GON4L: variants seen among roughly 807,000 people sequenced by gnomAD.
GON4L encodes GON-4-like protein.
GON4L carries 87 observed loss-of-function variants against 211.8 expected under a neutral mutation model. The observed-to-expected ratio is 0.41, with a 90% CI of 0.35 to 0.49. The LOEUF is 0.49. Ranked by LOEUF, GON4L falls within the 20% of genes least tolerant of loss-of-function variation. The pLI is 0.15. For missense variants in GON4L, 2,155 were observed against 2,659.5 expected (o/e 0.81, Z 4.17); for synonymous variants, 875 against 962.6 (o/e 0.91, Z 1.68).
intron 12 of GON4L, among the ~76,000 whole-genome samples, chr1:155,786,776 A>AT (rs200816309): frequency 1.3e-4 from 19 of 149,090 alleles, no homozygotes; most frequent in South Asian, 1.1e-3. Context: ...ATGTTTAAGA[A>AT]TTTTTTTTTT....
At chr1:155,836,971 G>A (rs1041710146) in intron 2 of GON4L, among the ~76,000 whole-genome samples, 2 of 152,068 alleles carry the variant, frequency 1.3e-5, no homozygotes, top group African/African-American at 4.8e-5. Flanking sequence ...AACTGTGTTA[G>A]GTCTCATGCC....
chr1:155,826,362 C>T (rs1031332918), intron 3 of GON4L, among the ~76,000 whole-genome samples: 1 of 151,852 alleles, frequency 6.6e-6, no homozygotes, highest in African/African-American at 2.4e-5. Flanking sequence ...GTCAGGAGTT[C>T]GAGACCAGCC....
chr1:155,853,597 G>A lies in GON4L; in HGVS notation c.184C>T (p.Gln62Ter). The change falls in exon 2 of 32, where the codon CAG becomes TAG. Residue 62 changes from glutamine to a stop codon, truncating the protein, a stop_gained. Transcript: ENST00000368331. LOFTEE classifies it high-confidence loss of function. ...TGATTTCCTGCATCCTGCAAAGACT[G>A]TACTTCGAAGCCAGCTACTCTGCCA... ...SHGRVAGFEV[Q>*]SLQDAGNQLG... 1 of 1,614,084 alleles carries A rather than the reference G, an allele frequency of 6.2e-7. No homozygotes were observed. The highest frequency in any genetic ancestry group is 8.5e-7 in the Non-Finnish European group (1 of 1,179,946).
intron 2 of GON4L, among the ~76,000 whole-genome samples, chr1:155,839,107 T>C (rs1354707635): frequency 6.6e-6 from 1 of 152,132 alleles, no homozygotes; most frequent in East Asian, 1.9e-4. Flanking sequence ...AATTCAAAAG[T>C]TATCTAAAGG....
chr1:155,775,299 A>G (rs1571699056), intron 16 of GON4L, 126 bp from the exon 17 acceptor site: 3 of 1,236,794 alleles, frequency 2.4e-6, no homozygotes, highest in African/African-American at 3.0e-5. Flanking sequence ...ATCATCATAA[A>G]GTCTTTCACA....
chr1:155,831,371 A>C (rs1045981657), intron 2 of GON4L, among the ~76,000 whole-genome samples: 1 of 152,088 alleles, frequency 6.6e-6, no homozygotes, highest in African/African-American at 2.4e-5. Context: ...GATTACTTGA[A>C]GCCAAGAGTT....
rs1263204665 is a variant in GON4L, at chr1:155,766,451, G to T, written c.3022C>A (p.Pro1008Thr). ...SSVLKPLLIQ[P>T]SPSLQPSFNP... ...AAGCTGGGCTGGAGAGAGGGGCTGG[G>T]TTGGATAAGGAGGGGCTTCAGGACT... The change falls in exon 21 of 32, where the codon CCC becomes ACC. Residue 1008 changes from proline (P) to threonine (T), a missense_variant. This residue lies in a region of GON4L where 615 missense variants were observed against 625.7 expected (regional missense o/e 0.98). Coordinates refer to ENST00000368331, the MANE Select transcript of GON4L (RefSeq NM_001282860.2). 1 of 1,614,006 alleles carries T rather than the reference G, an allele frequency of 6.2e-7. No homozygotes were observed. The highest frequency in any genetic ancestry group is 1.3e-5 in the African/African-American group (1 of 74,900).
At chr1:155,779,441 T>C (rs1171801997) in intron 14 of GON4L, among the ~76,000 whole-genome samples, 5 of 146,724 alleles carry the variant, frequency 3.4e-5, no homozygotes, top group Admixed American at 6.8e-5. Flanking sequence ...CTCAGCCTCC[T>C]GAGTAGCTGG....
At chr1:155,768,654 A>T (rs1235968683) in intron 19 of GON4L, among the ~76,000 whole-genome samples, 1 of 149,726 alleles carries the variant, frequency 6.7e-6, no homozygotes, top group Non-Finnish European at 1.5e-5. Flanking sequence ...TTTTTTGCCC[A>T]GGCTGGTCTT....
intron 12 of GON4L, among the ~76,000 whole-genome samples, chr1:155,786,199 T>C (rs570833198): frequency 7.9e-5 from 12 of 151,262 alleles, no homozygotes; most frequent in Non-Finnish European, 1.3e-4. Context: ...GAAAGAGAGA[T>C]AGAGAGAGAG....
At chr1:155,854,608 T>C (rs1672107204) in intron 1 of GON4L, among the ~76,000 whole-genome samples, 1 of 152,228 alleles carries the variant, frequency 6.6e-6, no homozygotes, top group African/African-American at 2.4e-5. Context: ...TCTTCAGCTA[T>C]AAAATGGAAT....
intron 3 of GON4L, among the ~76,000 whole-genome samples, chr1:155,823,230 A>T (rs1668890567): frequency 6.6e-6 from 1 of 152,184 alleles, no homozygotes; most frequent in Admixed American, 6.5e-5. Flanking sequence ...TACCTGGCCC[A>T]ACTGTACATA....
downstream of GON4L, chr1:155,747,080 G>C (rs575299441): frequency 2.2e-3 from 3,530 of 1,606,348 alleles, 65 homozygotes; most frequent in Non-Finnish European, 2.6e-3. Context: ...AGCAACCTTT[G>C]CCTCTAAACT....
At chr1:155,774,597 G>A (rs1358377941) in intron 17 of GON4L, among the ~76,000 whole-genome samples, 5 of 152,190 alleles carry the variant, frequency 3.3e-5, no homozygotes, top group South Asian at 2.1e-4. Flanking sequence ...GTGAGCCACC[G>A]CGCCTGGCCT....
intron 11 of GON4L, among the ~76,000 whole-genome samples, chr1:155,797,662 G>A (rs1451743721): frequency 8.4e-6 from 1 of 119,594 alleles, no homozygotes; most frequent in South Asian, 2.6e-4. Context: ...TGGCCAACAT[G>A]GTGAGACCCC....
chr1:155,792,901 C>T (rs1192835879), intron 12 of GON4L, among the ~76,000 whole-genome samples: 1 of 152,078 alleles, frequency 6.6e-6, no homozygotes, highest in Non-Finnish European at 1.5e-5. Flanking sequence ...GGACTACGGG[C>T]ATGCACCACG....
Sources: gnomAD v4.1 joint callset for allele counts (sites outside exome capture counted in the v4.1 genomes callset) on GRCh38, gnomAD v4.1.1 for gene constraint, gnomAD v4.1.1 regional missense constraint, MANE v1.5 for transcripts, NCBI Gene and HGNC (gene_info 2026-07-23, HGNC 2026-07-21) for gene names.